GALNT17: variants seen among roughly 807,000 people sequenced by gnomAD.
GALNT17 encodes the protein UDP-GalNAc:polypeptide N-acetylgalactosaminyltransferase-like 3.
In GALNT17, 29 loss-of-function variants were observed where a neutral mutation model predicts 63.7. The ratio of observed to expected loss-of-function variants is 0.46; its 90% confidence interval spans 0.34 to 0.62. GALNT17 has a LOEUF of 0.62. Ranked by LOEUF, GALNT17 falls within the 20% of genes least tolerant of loss-of-function variation. The probability of loss-of-function intolerance (pLI) is 0.01; values close to 1 mark genes in which losing one functional copy is unlikely to be tolerated. For synonymous variants in GALNT17, 305 were observed against 318.3 expected, an observed-to-expected ratio of 0.96 and a Z score of 0.45; for missense variants, 603 against 799.6, an observed-to-expected ratio of 0.75 and a Z score of 2.97.
chr7:71,194,291 G>C (rs1427165768), intron 1 of GALNT17, among the ~76,000 whole-genome samples: 2 of 152,198 alleles, frequency 1.3e-5, no homozygotes, highest in African/African-American at 4.8e-5. Flanking sequence ...CCAGGCCACT[G>C]AGCTTAGACT....
rs1791738412 is a variant in GALNT17, at chr7:71,707,535, TA to T, written c.1501-3222del. ...ACAACTACCCCAAAACGTAGTGGCTTAAAACAATATGCATTTTTTATTGCTC... is the reference window on the plus strand; with the variant it reads ...ACAACTACCCCAAAACGTAGTGGCTTAAACAATATGCATTTTTTATTGCTC... On this transcript the variant is annotated intron_variant, in intron 9 of 10. Coordinates refer to ENST00000333538, the MANE Select transcript of GALNT17 (RefSeq NM_022479.3). Among the ~76,000 whole-genome samples the T allele has an allele frequency of 2.0e-5, 3 of 152,308 alleles. No individual in the cohort carries two copies. The South Asian group carries it at 6.2e-4, about 32-fold the overall frequency.
chr7:71,576,184 G>A (rs1023678575), intron 6 of GALNT17, among the ~76,000 whole-genome samples: 18 of 152,204 alleles, frequency 1.2e-4, no homozygotes, highest in East Asian at 9.6e-4. Context: ...AGACTGCTGC[G>A]TCCTGCTGGG....
At chr7:71,683,881 G>A (rs1189115847) in intron 9 of GALNT17, among the ~76,000 whole-genome samples, 1 of 151,698 alleles carries the variant, frequency 6.6e-6, no homozygotes, top group Non-Finnish European at 1.5e-5. Context: ...GGTGGTGGGC[G>A]CCTGTAATCC....
At chr7:71,563,979 C>A (rs1035601356) in intron 5 of GALNT17, among the ~76,000 whole-genome samples, 12 of 152,168 alleles carry the variant, frequency 7.9e-5, no homozygotes, top group African/African-American at 2.7e-4. Context: ...CCTGTCTCGG[C>A]CTTCCAAAGT....
intron 9 of GALNT17, among the ~76,000 whole-genome samples, chr7:71,679,703 T>C (rs1791208995): frequency 6.6e-6 from 1 of 151,850 alleles, no homozygotes; most frequent in South Asian, 2.1e-4. Flanking sequence ...GGAGAGCAGA[T>C]GGTGAGAGAC....
At chr7:71,667,073 C>T (rs996316996) in intron 7 of GALNT17, among the ~76,000 whole-genome samples, 4 of 152,230 alleles carry the variant, frequency 2.6e-5, no homozygotes, top group African/African-American at 9.6e-5. Context: ...CCTGCACCCT[C>T]AGCCACAGCT....
chr7:71,149,702 T>C (rs1788096474), intron 1 of GALNT17, among the ~76,000 whole-genome samples: 1 of 152,196 alleles, frequency 6.6e-6, no homozygotes, highest in Non-Finnish European at 1.5e-5. Context: ...GCTTTGCTTA[T>C]ATTTGCAAGG....
At chr7:71,533,874 G>A (rs964406836) in intron 5 of GALNT17, among the ~76,000 whole-genome samples, 1 of 152,138 alleles carries the variant, frequency 6.6e-6, no homozygotes, top group Non-Finnish European at 1.5e-5. Flanking sequence ...GAATTAGAGA[G>A]GGGTACAGGA....
intron 5 of GALNT17, among the ~76,000 whole-genome samples, chr7:71,492,273 G>A (rs957061716): frequency 1.2e-4 from 18 of 152,094 alleles, no homozygotes; most frequent in Non-Finnish European, 1.0e-4. Context: ...GCAAGACTCC[G>A]TCTCAAAATA....
At chr7:71,635,404 T>G (rs1028035961) in intron 6 of GALNT17, among the ~76,000 whole-genome samples, 9 of 152,176 alleles carry the variant, frequency 5.9e-5, no homozygotes, top group African/African-American at 2.2e-4. Flanking sequence ...CCACTTCCCA[T>G]CATGGCCTGA....
chr7:71,516,450 A>G (rs563772198), intron 5 of GALNT17, among the ~76,000 whole-genome samples: 1 of 152,240 alleles, frequency 6.6e-6, no homozygotes, highest in Admixed American at 6.5e-5. Context: ...CCTTAATTCC[A>G]GAACTGGAGT....
At chr7:71,322,503 C>T (rs1287844604) in intron 1 of GALNT17, among the ~76,000 whole-genome samples, 1 of 152,200 alleles carries the variant, frequency 6.6e-6, no homozygotes, top group Admixed American at 6.5e-5. Flanking sequence ...AATGTACCTC[C>T]AGTATTCGTG....
chr7:71,148,467 G>A (rs1788065141), intron 1 of GALNT17, among the ~76,000 whole-genome samples: 2 of 152,166 alleles, frequency 1.3e-5, no homozygotes, highest in Admixed American at 1.3e-4. Context: ...TGCTTCAAGA[G>A]AATAGTTGCT....
rs187274513 is a variant in GALNT17 at position 71,547,290 on chromosome 7, G to A, written c.963-23995G>A. 9.4e-3 allele frequency among the ~76,000 whole-genome samples: 1,425 copies of A among 151,986 alleles called. 18 individuals carry two copies. The highest frequency in any genetic ancestry group is 0.033 in the African/African-American group (1,357 of 41,460). On this transcript the variant is annotated intron_variant, in intron 5 of 10. Transcript: ENST00000333538. Reference sequence around the variant, plus strand: ...AGCAGTTCTCCTGCCTCAGCCTCCCGAGTACCTGGGATTACAGGCCCCTGT... The same window carrying A: ...AGCAGTTCTCCTGCCTCAGCCTCCCAAGTACCTGGGATTACAGGCCCCTGT...
At chr7:71,222,597 C>T (rs969230124) in intron 1 of GALNT17, among the ~76,000 whole-genome samples, 25 of 152,124 alleles carry the variant, frequency 1.6e-4, no homozygotes, top group African/African-American at 6.0e-4. Flanking sequence ...CAGCACCTGA[C>T]CTTCTTACTT....
intron 6 of GALNT17, among the ~76,000 whole-genome samples, chr7:71,645,613 G>A (rs1160057435): frequency 6.6e-6 from 1 of 152,142 alleles, no homozygotes; most frequent in Non-Finnish European, 1.5e-5. Flanking sequence ...ATTACAGATG[G>A]TTATAGGCCC....
chr7:71,340,311 T>A (rs958927012), intron 2 of GALNT17, among the ~76,000 whole-genome samples: 2 of 152,184 alleles, frequency 1.3e-5, no homozygotes, highest in Non-Finnish European at 2.9e-5. Flanking sequence ...AGAGGTGGCC[T>A]TGGACAGAGG....
intron 5 of GALNT17, among the ~76,000 whole-genome samples, chr7:71,489,776 C>T (rs1054804382): frequency 6.6e-6 from 1 of 152,258 alleles, no homozygotes; most frequent in Non-Finnish European, 1.5e-5. Context: ...TAACACCCTT[C>T]CCTCAATGAC....
At chr7:71,456,941 C>T (rs528925459) in intron 5 of GALNT17, among the ~76,000 whole-genome samples, 2 of 152,058 alleles carry the variant, frequency 1.3e-5, no homozygotes, top group East Asian at 1.9e-4. Context: ...TGGGACAACT[C>T]GAAGCGGGGG....
Sources: gnomAD v4.1 joint callset for allele counts (sites outside exome capture counted in the v4.1 genomes callset) on GRCh38, gnomAD v4.1.1 for gene constraint, MANE v1.5 for transcripts, NCBI Gene and HGNC (gene_info 2026-07-23, HGNC 2026-07-21) for gene names.